Variants in ANO3 observed in about 807,000 individuals in gnomAD.
ANO3 encodes the protein anoctamin-3.
Under a neutral mutation model 144.8 loss-of-function variants are expected in ANO3, and 99 were observed. That is an observed-to-expected ratio of 0.68 (90% confidence interval 0.58 to 0.81). The LOEUF (loss-of-function observed/expected upper bound fraction) is 0.81, where lower values mean the gene tolerates loss of function less well. Among genes scored for constraint, ANO3 ranks in the 30% least tolerant of loss-of-function variants. The probability of loss-of-function intolerance (pLI) is 0.00; values close to 1 mark genes in which losing one functional copy is unlikely to be tolerated. For synonymous variants in ANO3, 414 were observed against 392.6 expected, an observed-to-expected ratio of 1.05 and a Z score of -0.64; for missense variants, 905 against 1,202.2, an observed-to-expected ratio of 0.75 and a Z score of 3.66.
intron 4 of ANO3, among the ~76,000 whole-genome samples, chr11:26,482,426 ATGTGTGTGTGTGTGTGTGTGTGTG>A (rs58664691): frequency 7.1e-6 from 1 of 141,046 alleles, no homozygotes; most frequent in African/African-American, 2.6e-5. Context: ...ACACAGATAT[ATGTGTGTGTGTGTGTGTGTGTGTG>A]TGTGTGTGTG....
At position 26,577,320 on chromosome 11, in the gene ANO3, T is replaced by G. The variant is rs538133958; in HGVS notation, c.1447+17541T>G. Among the ~76,000 whole-genome samples, 11 of 152,128 alleles carry G rather than the reference T, an allele frequency of 7.2e-5. No homozygotes were observed. The South Asian group carries it at 2.3e-3, about 32-fold the overall frequency. ...GGTTCACGCCTGTAATCCCAGCACT[T>G]TGGGAGGCTGCGGTGGGCGGATCAC... On this transcript the variant is annotated intron_variant, in intron 14 of 26. Coordinates refer to ENST00000256737, the MANE Select transcript of ANO3 (RefSeq NM_031418.4).
At chr11:26,451,650 G>A (rs1007953890) in intron 3 of ANO3, among the ~76,000 whole-genome samples, 9 of 152,284 alleles carry the variant, frequency 5.9e-5, no homozygotes, top group African/African-American at 2.4e-5. Context: ...CTCTACCTCT[G>A]GGGCAGGGCA....
chr11:26,513,730 C>A (rs1212932420), intron 5 of ANO3, among the ~76,000 whole-genome samples: 2 of 152,108 alleles, frequency 1.3e-5, no homozygotes, highest in Non-Finnish European at 2.9e-5. Flanking sequence ...CTTTCAAATC[C>A]TGCAGGGAAC....
At chr11:26,406,129 G>A (rs1054741441) in intron 1 of ANO3, among the ~76,000 whole-genome samples, 1 of 151,866 alleles carries the variant, frequency 6.6e-6, no homozygotes, top group South Asian at 2.1e-4. Context: ...TTTGTAAACA[G>A]TAGAAATGTA....
chr11:26,321,012 TC>T (rs1397794214), intron 1 of ANO3, among the ~76,000 whole-genome samples: 1 of 152,158 alleles, frequency 6.6e-6, no homozygotes, highest in African/African-American at 2.4e-5. Flanking sequence ...CCACATGTTT[TC>T]CTTTTCCTTA....
chr11:26,385,635 C>T (rs1043638600), intron 1 of ANO3, among the ~76,000 whole-genome samples: 1 of 152,034 alleles, frequency 6.6e-6, no homozygotes, highest in Non-Finnish European at 1.5e-5. Context: ...TGTGACTCTG[C>T]CTATTAATGG....
chr11:26,277,064 C>T (rs1433648820), intron 1 of ANO3, among the ~76,000 whole-genome samples: 13 of 152,180 alleles, frequency 8.5e-5, no homozygotes, highest in Non-Finnish European at 1.8e-4. Context: ...TTGGTTCTAC[C>T]TTCATTTACT....
At position 26,412,896 on chromosome 11, in the gene ANO3, T is replaced by G. The variant is rs149349665; in HGVS notation, c.47-29022T>G. On this transcript the variant is annotated intron_variant, in intron 1 of 26. Coordinates refer to ENST00000256737, the MANE Select transcript of ANO3 (RefSeq NM_031418.4). ...CTGTATTTCTCATATTCCTTTTTAC[T>G]GTGAATTGAATACCTGGTTTCATTT... is the stretch of plus-strand genomic sequence containing the variant. 5.8e-3 allele frequency among the ~76,000 whole-genome samples: 884 copies of G among 151,534 alleles called. 5 individuals are homozygous for G. Among genetic ancestry groups the G allele is most frequent in the African/African-American group, 0.02 (813 of 41,416 alleles).
At chr11:26,450,742 T>A (rs893483182) in intron 3 of ANO3, among the ~76,000 whole-genome samples, 2 of 152,146 alleles carry the variant, frequency 1.3e-5, no homozygotes, top group Admixed American at 6.5e-5. Flanking sequence ...AGACTCAAAT[T>A]AGACAATATT....
intron 1 of ANO3, among the ~76,000 whole-genome samples, chr11:26,236,783 A>T (rs1422830792): frequency 3.5e-5 from 5 of 144,586 alleles, no homozygotes; most frequent in South Asian, 2.2e-4. Flanking sequence ...GCGCCACTGC[A>T]CTCCAGCCTG....
intron 4 of ANO3, among the ~76,000 whole-genome samples, chr11:26,502,398 T>G (rs1305687442): frequency 6.6e-6 from 1 of 152,138 alleles, no homozygotes; most frequent in Non-Finnish European, 1.5e-5. Context: ...GTAGTGAAGT[T>G]AAATGCCTAA....
intron 1 of ANO3, among the ~76,000 whole-genome samples, chr11:26,346,716 A>G (rs1447301531): frequency 6.6e-6 from 1 of 152,168 alleles, no homozygotes; most frequent in Non-Finnish European, 1.5e-5. Flanking sequence ...ACTGCACTAA[A>G]TGGAAAATAT....
chr11:26,572,502 A>T (rs1167409647), intron 14 of ANO3, among the ~76,000 whole-genome samples: 1 of 152,024 alleles, frequency 6.6e-6, no homozygotes, highest in Non-Finnish European at 1.5e-5. Flanking sequence ...GCAGGTGAGG[A>T]ATCCAAACAA....
intron 1 of ANO3, among the ~76,000 whole-genome samples, chr11:26,399,965 C>A (rs545865876): frequency 6.6e-6 from 1 of 152,152 alleles, no homozygotes; most frequent in East Asian, 1.9e-4. Context: ...ATAAAACACA[C>A]AGCATTTAGG....
chr11:26,501,384 G>T (rs576928161), intron 4 of ANO3, among the ~76,000 whole-genome samples: 79 of 152,104 alleles, frequency 5.2e-4, no homozygotes, highest in South Asian at 2.9e-3. Context: ...CTACTAAATG[G>T]GTATAGCAAT....
At chr11:26,544,259 T>C (rs1460236889) in intron 11 of ANO3, among the ~76,000 whole-genome samples, 2,007 of 74,894 alleles carry the variant, frequency 0.027, 174 homozygotes, top group African/African-American at 0.084. Flanking sequence ...TACATATATA[T>C]ATATATATAT....
At chr11:26,598,295 A>C in intron 14 of ANO3, 70 bp from the exon 15 acceptor site, 1 of 708,610 alleles carries the variant, frequency 1.4e-6, no homozygotes, top group South Asian at 3.5e-5. Flanking sequence ...GAGATAAGAT[A>C]TCTCAATATA....
Position 26,563,276 on chromosome 11 carries a change from A to G in ANO3, c.1447+3497A>G, listed in dbSNP as rs767812575. On this transcript the variant is annotated intron_variant, in intron 14 of 26. Transcript: ENST00000256737. Reference sequence around the variant, plus strand: ...CTGTATTTCTATTTTCTACAGGACAAAAAAAATTTAAAGAAATATAAAATA... The same window carrying G: ...CTGTATTTCTATTTTCTACAGGACAGAAAAAATTTAAAGAAATATAAAATA... 3.8e-6 allele frequency: 6 copies of G among 1,579,620 alleles called. No individual in the cohort carries two copies. The South Asian group carries it at 7.2e-5, about 19-fold the overall frequency.
At chr11:26,632,051 G>A (rs539223403) in intron 18 of ANO3, among the ~76,000 whole-genome samples, 3 of 152,004 alleles carry the variant, frequency 2.0e-5, no homozygotes, top group African/African-American at 7.2e-5. Context: ...AGTTAGCCAA[G>A]CATGGTGTCG....
Sources: allele counts gnomAD v4.1 joint callset (sites outside exome capture counted in the v4.1 genomes callset), GRCh38; gene constraint gnomAD v4.1.1; transcripts MANE v1.5; gene names NCBI Gene and HGNC (gene_info 2026-07-23, HGNC 2026-07-21).